Variants in SLC5A7 observed in about 807,000 individuals in gnomAD.
SLC5A7 encodes high affinity choline transporter 1.
A neutral mutation model predicts 55.4 loss-of-function variants in SLC5A7; 19 were observed. The ratio of observed to expected loss-of-function variants is 0.34; its 90% CI spans 0.24 to 0.50. The LOEUF (loss-of-function observed/expected upper bound fraction) is 0.50, where lower values mean the gene tolerates loss of function less well. Ranked by LOEUF, SLC5A7 falls within the 20% of genes least tolerant of loss-of-function variation. The pLI, the probability that SLC5A7 is intolerant of heterozygous loss-of-function variation, is 0.98. For synonymous variants in SLC5A7, 265 were observed against 263.7 expected (o/e 1.00, Z -0.05); for missense variants, 506 against 705.3 (o/e 0.72, Z 3.20).
intron 6 of SLC5A7, among the ~76,000 whole-genome samples, chr2:108,003,084 A>G (rs1021502088): frequency 3.9e-5 from 6 of 152,182 alleles, no homozygotes; most frequent in Non-Finnish European, 8.8e-5. Flanking sequence ...TGTTTCCAGT[A>G]GTGGACTGGA....
At chr2:107,995,702 C>T (rs1044243982) in intron 4 of SLC5A7, among the ~76,000 whole-genome samples, 1 of 152,110 alleles carries the variant, frequency 6.6e-6, no homozygotes, top group Non-Finnish European at 1.5e-5. Flanking sequence ...TATATAAGAT[C>T]TATTACCACC....
At chr2:107,994,886 AC>A (rs1209339019) in intron 4 of SLC5A7, among the ~76,000 whole-genome samples, 2 of 152,228 alleles carry the variant, frequency 1.3e-5, no homozygotes, top group East Asian at 3.8e-4. Context: ...AACTTATATA[AC>A]AGAGCCCTGA....
At position 107,986,704 on chromosome 2, in the gene SLC5A7, C is replaced by T. The variant is rs912819383; in HGVS notation, c.-111C>T. 1 of 152,622 alleles carries T rather than the reference C, an allele frequency of 6.6e-6. No individual in the cohort carries two copies. The highest frequency in any genetic ancestry group is 1.9e-4 in the East Asian group (1 of 5,174). The allele number at this position is 152,622 out of a possible 1,614,324, so 9.5% of individuals were successfully genotyped here. On this transcript the variant is annotated 5_prime_UTR_variant, in exon 1 of 9. Transcript: ENST00000264047. Reference sequence around the variant, plus strand: ...TCTGCACCCTCGCACCCACACCCCTCGCGGTTCCAGGGGGCGGCGGCCCCG... The same window carrying T: ...TCTGCACCCTCGCACCCACACCCCTTGCGGTTCCAGGGGGCGGCGGCCCCG...
intron 5 of SLC5A7, among the ~76,000 whole-genome samples, chr2:107,998,205 TAGAA>T (rs1186590822): frequency 6.6e-6 from 1 of 152,212 alleles, no homozygotes; most frequent in African/African-American, 2.4e-5. Flanking sequence ...ATTGGACTGT[TAGAA>T]AGGTCTAGGT....
At position 108,005,956 on chromosome 2, in the gene SLC5A7, T is replaced by C. The variant is rs1474874392; in HGVS notation, c.742-93T>C. 2.7e-6 allele frequency: 4 copies of C among 1,480,232 alleles called. No individual in the cohort carries two copies. In the African/African-American group the frequency reaches 4.2e-5, roughly 15 times the overall value. 91.7% of individuals were successfully genotyped at this position (1,480,232 alleles called of 1,614,324 possible). A position where few individuals can be genotyped will look rare whatever the true frequency, so the allele number is the denominator to read the frequency against. ...CCACATTTTTTTTACTACTTCTAAG[T>C]TGTACTTAGGCCTATTCTAAATGTG... is the stretch of plus-strand genomic sequence containing the variant. On this transcript the variant is annotated intron_variant, in intron 6 of 8. Coordinates refer to ENST00000264047, the MANE Select transcript of SLC5A7 (RefSeq NM_021815.5).
Position 107,997,970 on chromosome 2 carries a change from G to C in SLC5A7, c.581G>C (p.Cys194Ser). Residue 194 changes from cysteine (C) to serine (S), a missense_variant, in exon 5 of 9, where the codon TGC (cysteine) becomes TCC (serine). Transcript: ENST00000264047. ...TACACTGATGTCGTTCAGCTCTTTTGCATTTTTGTAGGGCTGGTAAGTGGG... is the reference window on the plus strand; with the variant it reads ...TACACTGATGTCGTTCAGCTCTTTTCCATTTTTGTAGGGCTGGTAAGTGGG... ...VAYTDVVQLF[C>S]IFVGLWISVP... 6.2e-7 allele frequency: 1 copy of C among 1,612,032 alleles called. No individual in the cohort carries two copies. Among genetic ancestry groups the C allele is most frequent in the African/African-American group, 1.3e-5 (1 of 74,950 alleles).
chr2:107,998,328 G>A (rs1033716031), intron 5 of SLC5A7, among the ~76,000 whole-genome samples: 5 of 152,090 alleles, frequency 3.3e-5, no homozygotes, highest in African/African-American at 9.7e-5. Context: ...AAACCTTAGT[G>A]GTAACTTGTA....
At chr2:108,008,750 T>TTGTATATATAATAC in intron 8 of SLC5A7, 68 bp downstream of exon 8, 1 of 1,167,766 alleles carries the variant, frequency 8.6e-7, no homozygotes, top group Non-Finnish European at 1.2e-6. Flanking sequence ...GTTGTATTTG[T>TTGTATATATAATAC]TGTATATACA....
At position 108,008,460 on chromosome 2, in the gene SLC5A7, A is replaced by G; in HGVS notation, c.896-5A>G. On this transcript the variant is annotated splice_polypyrimidine_tract_variant and splice_region_variant and intron_variant, in intron 7 of 8. Transcript: ENST00000264047. ...GTTATAATGGTTGTTGATTCTGTTC[A>G]ACAGACTGGAACCAGACTGCATATG... 1 of 1,612,144 alleles carries G rather than the reference A, an allele frequency of 6.2e-7. No homozygotes were observed. Among genetic ancestry groups the G allele is most frequent in the Non-Finnish European group, 8.5e-7 (1 of 1,178,872 alleles).
At chr2:108,001,654 CAGAGCG>C (rs1677907202) in intron 5 of SLC5A7, among the ~76,000 whole-genome samples, 1 of 124,194 alleles carries the variant, frequency 8.1e-6, no homozygotes, top group East Asian at 2.2e-4. Flanking sequence ...GCCTGGGCGA[CAGAGCG>C]AGACTCCGTC....
rs1677310958 is a variant in SLC5A7 at position 107,987,953 on chromosome 2, T to A, written c.-51-152T>A. Among the ~76,000 whole-genome samples, 6 of 152,214 alleles carry A rather than the reference T, an allele frequency of 3.9e-5. No individual in the cohort carries two copies. In the South Asian group the frequency reaches 1.2e-3, roughly 32 times the overall value. On this transcript the variant is annotated intron_variant, in intron 1 of 8. Transcript: ENST00000264047. ...GAAGTAGGATAATGTAGTGGACACT[T>A]ATTGTTAACTGCCCGTTTCACGTGT...
At chr2:108,005,563 G>GTT (rs1678075862) in intron 6 of SLC5A7, among the ~76,000 whole-genome samples, 1 of 152,204 alleles carries the variant, frequency 6.6e-6, no homozygotes, top group African/African-American at 2.4e-5. Context: ...CATTGTCTTA[G>GTT]TTCAGTTGGG....
chr2:108,011,488 C>G lies in SLC5A7; in HGVS notation c.*627C>G, dbSNP rs536980841. The G allele has an allele frequency of 3.9e-5, 6 of 152,170 alleles. No homozygotes were observed. The East Asian group carries it at 7.7e-4, about 20-fold the overall frequency. The allele number at this position is 152,170 out of a possible 1,614,324, so 9.4% of individuals were successfully genotyped here. The stretch of plus-strand genomic sequence containing the variant: ...TTATGTATTGGCATTTATTTATGTG[C>G]AAGGTGATAGGAAAACTGAATCCAT... On this transcript the variant is annotated 3_prime_UTR_variant, in exon 9 of 9. Coordinates refer to ENST00000264047, the MANE Select transcript of SLC5A7 (RefSeq NM_021815.5).
chr2:107,993,530 T>C (rs1677537888), intron 4 of SLC5A7, among the ~76,000 whole-genome samples: 1 of 152,228 alleles, frequency 6.6e-6, no homozygotes. Context: ...ATTTTTGGTG[T>C]TGAATAAATT....
chr2:107,998,876 T>C lies in SLC5A7; in HGVS notation c.597+890T>C, dbSNP rs192708853. Among the ~76,000 whole-genome samples, 23 of 152,018 alleles carry C rather than the reference T, an allele frequency of 1.5e-4. 1 individual carries two copies. In the East Asian group the frequency reaches 3.3e-3, roughly 22 times the overall value. On this transcript the variant is annotated intron_variant, in intron 5 of 8. Coordinates refer to ENST00000264047, the MANE Select transcript of SLC5A7 (RefSeq NM_021815.5). ...TTCTCCTCATCTTTATTTATTTATC[T>C]TACAATTTAAAGCATTTCATTATAT...
At chr2:107,994,673 A>C (rs1431215753) in intron 4 of SLC5A7, among the ~76,000 whole-genome samples, 1 of 152,188 alleles carries the variant, frequency 6.6e-6, no homozygotes, top group Non-Finnish European at 1.5e-5. Context: ...TGCTGCTCTT[A>C]TGTTCTAATG....
intron 5 of SLC5A7, among the ~76,000 whole-genome samples, chr2:107,998,576 T>A (rs1038415229): frequency 1.2e-4 from 18 of 152,222 alleles, no homozygotes; most frequent in Non-Finnish European, 2.5e-4. Flanking sequence ...CTTTTGTGTG[T>A]CTGAACATAT....
At chr2:108,008,787 G>T (rs1678212398) in intron 8 of SLC5A7, 105 bp downstream of exon 8, 18 of 784,218 alleles carry the variant, frequency 2.3e-5, no homozygotes. Flanking sequence ...AATATTCTAT[G>T]TTAAATCTGA....
At chr2:107,999,700 T>C (rs1677810526) in intron 5 of SLC5A7, among the ~76,000 whole-genome samples, 1 of 152,184 alleles carries the variant, frequency 6.6e-6, no homozygotes, top group Admixed American at 6.5e-5. Flanking sequence ...TTCTCTAATG[T>C]CATTGATTTT....
Sources: gnomAD v4.1 joint callset for allele counts (sites outside exome capture counted in the v4.1 genomes callset) on GRCh38, gnomAD v4.1.1 for gene constraint, MANE v1.5 for transcripts, NCBI Gene and HGNC (gene_info 2026-07-23, HGNC 2026-07-21) for gene names.